Variants in NECAB1 observed in about 807,000 individuals in gnomAD.
NECAB1 encodes N-terminal EF-hand calcium binding protein 1.
A neutral mutation model predicts 57.5 loss-of-function variants in NECAB1; 29 were observed. That is an observed-to-expected ratio of 0.50 (90% CI 0.38 to 0.69). The LOEUF (loss-of-function observed/expected upper bound fraction) is 0.69, where lower values mean the gene tolerates loss of function less well. NECAB1 is among the 30% of genes least tolerant of loss of function. The pLI is 0.00. For synonymous variants in NECAB1, 142 were observed against 147.7 expected (o/e 0.96, Z 0.28); for missense variants, 372 against 413.8 (o/e 0.90, Z 0.88).
At chr8:90,838,057 A>G (rs1812398296) in intron 3 of NECAB1, among the ~76,000 whole-genome samples, 1 of 152,222 alleles carries the variant, frequency 6.6e-6, no homozygotes, top group Non-Finnish European at 1.5e-5. Context: ...GAGCATAGTC[A>G]GAGAAACATA....
chr8:90,803,185 C>T (rs1811790349), intron 2 of NECAB1, among the ~76,000 whole-genome samples: 1 of 152,204 alleles, frequency 6.6e-6, no homozygotes, highest in East Asian at 1.9e-4. Context: ...GCATGGGCCA[C>T]TGCACCCGGC....
chr8:90,954,796 TCA>T (rs1413795593), intron 12 of NECAB1, among the ~76,000 whole-genome samples: 1 of 149,286 alleles, frequency 6.7e-6, no homozygotes, highest in East Asian at 2.0e-4. Flanking sequence ...GTATAATAAA[TCA>T]CACATGTATT....
intron 5 of NECAB1, among the ~76,000 whole-genome samples, chr8:90,900,300 A>C (rs534814317): frequency 6.6e-6 from 1 of 152,314 alleles, no homozygotes; most frequent in East Asian, 1.9e-4. Context: ...TTGAGGCCAG[A>C]AAGTAACAAC....
chr8:90,794,620 G>A (rs1316767824), intron 1 of NECAB1, among the ~76,000 whole-genome samples: 1 of 152,196 alleles, frequency 6.6e-6, no homozygotes, highest in Non-Finnish European at 1.5e-5. Context: ...AAGAAAATCA[G>A]AGATAGATTT....
At chr8:90,863,203 A>C (rs1808441261) in intron 3 of NECAB1, among the ~76,000 whole-genome samples, 1 of 152,138 alleles carries the variant, frequency 6.6e-6, no homozygotes, top group Non-Finnish European at 1.5e-5. Flanking sequence ...CCTTTCTTAT[A>C]CTGTCTGCCT....
intron 5 of NECAB1, among the ~76,000 whole-genome samples, chr8:90,913,878 G>T (rs1809889300): frequency 6.6e-6 from 1 of 152,150 alleles, no homozygotes; most frequent in South Asian, 2.1e-4. Context: ...ACTAACAAAT[G>T]GTCCAGAAAA....
intron 3 of NECAB1, among the ~76,000 whole-genome samples, chr8:90,868,893 A>G (rs1808567377): frequency 6.6e-6 from 1 of 152,246 alleles, no homozygotes; most frequent in South Asian, 2.1e-4. Flanking sequence ...AGGGTATTTC[A>G]GAGACCTTTG....
intron 3 of NECAB1, among the ~76,000 whole-genome samples, chr8:90,870,912 A>T (rs900948061): frequency 6.6e-6 from 1 of 152,246 alleles, no homozygotes; most frequent in Non-Finnish European, 1.5e-5. Flanking sequence ...CTGGTGGCAA[A>T]TATTACTTTG....
chr8:90,886,566 G>A (rs1417858587), intron 5 of NECAB1, among the ~76,000 whole-genome samples: 1 of 151,472 alleles, frequency 6.6e-6, no homozygotes, highest in Non-Finnish European at 1.5e-5. Context: ...TGTTTTTTTG[G>A]TGGAGATAGG....
intron 10 of NECAB1, among the ~76,000 whole-genome samples, chr8:90,949,151 TGTGTGTG>T (rs1430318685): frequency 1.4e-4 from 6 of 42,320 alleles, no homozygotes; most frequent in African/African-American, 6.3e-4. Context: ...GCACTTTGTG[TGTGTGTG>T]TGTGTGTGTG....
At chr8:90,857,316 A>C (rs1479496260) in intron 3 of NECAB1, among the ~76,000 whole-genome samples, 2 of 152,180 alleles carry the variant, frequency 1.3e-5, no homozygotes, top group African/African-American at 2.4e-5. Flanking sequence ...ATATTATGAT[A>C]CTATATATAA....
intron 3 of NECAB1, among the ~76,000 whole-genome samples, chr8:90,834,957 T>A (rs1812345805): frequency 6.6e-6 from 1 of 151,832 alleles, no homozygotes; most frequent in African/African-American, 2.4e-5. Flanking sequence ...TACACATCTA[T>A]ATGTCTCATG....
intron 3 of NECAB1, among the ~76,000 whole-genome samples, chr8:90,833,177 T>C (rs1417328712): frequency 6.6e-6 from 1 of 152,110 alleles, no homozygotes; most frequent in Non-Finnish European, 1.5e-5. Flanking sequence ...CCTTTATACT[T>C]AGAAATCATC....
At chr8:90,799,995 T>C (rs1232015795) in intron 1 of NECAB1, among the ~76,000 whole-genome samples, 1 of 152,214 alleles carries the variant, frequency 6.6e-6, no homozygotes, top group Non-Finnish European at 1.5e-5. Context: ...CAGTGTTTTG[T>C]AGTTCTCCTT....
At chr8:90,890,384 T>C (rs1348950864) in intron 5 of NECAB1, among the ~76,000 whole-genome samples, 1 of 152,174 alleles carries the variant, frequency 6.6e-6, no homozygotes, top group African/African-American at 2.4e-5. Context: ...ATTGTAAGTT[T>C]CCTGAGGCCT....
Position 90,925,585 on chromosome 8 carries a change from G to C in NECAB1, c.545G>C (p.Arg182Pro), listed in dbSNP as rs1299554994. 1 of 1,613,426 alleles carries C rather than the reference G, an allele frequency of 6.2e-7. No individual in the cohort carries two copies. Among genetic ancestry groups the C allele is most frequent in the Non-Finnish European group, 8.5e-7 (1 of 1,179,712 alleles). The part of the protein sequence containing the change: ...EVLSIQWPGK[R>P]SSRRVQRHNS... ...CTGTCGATTCAATGGCCTGGAAAACGATCAAGCCGCCGAGTCCAGAGACAC... is the reference window on the plus strand; with the variant it reads ...CTGTCGATTCAATGGCCTGGAAAACCATCAAGCCGCCGAGTCCAGAGACAC... The change falls in exon 7 of 13, where the codon CGA (arginine) becomes CCA (proline). Residue 182 changes from arginine (R) to proline (P), a missense_variant. Physicochemically the swap from Arg to Pro is moderately radical, Grantham distance 103 (BLOSUM62 -2). Coordinates refer to ENST00000417640, the MANE Select transcript of NECAB1 (RefSeq NM_022351.5).
intron 5 of NECAB1, among the ~76,000 whole-genome samples, chr8:90,881,883 AG>A (rs556791622): frequency 1.4e-4 from 22 of 152,330 alleles, no homozygotes; most frequent in African/African-American, 5.3e-4. Context: ...TGAGAGATAA[AG>A]GAAGTTGGTA....
intron 9 of NECAB1, among the ~76,000 whole-genome samples, chr8:90,936,458 A>G (rs1297659788): frequency 1.3e-5 from 2 of 152,240 alleles, no homozygotes; most frequent in Admixed American, 1.3e-4. Flanking sequence ...CCTCAGACTC[A>G]TTTTATCAAT....
At chr8:90,935,312 G>A (rs762998864) in intron 9 of NECAB1, among the ~76,000 whole-genome samples, 1 of 152,136 alleles carries the variant, frequency 6.6e-6, no homozygotes, top group Non-Finnish European at 1.5e-5. Context: ...CTTTGTGGGA[G>A]TCTCAGAAAA....
Sources: allele counts gnomAD v4.1 joint callset (sites outside exome capture counted in the v4.1 genomes callset), GRCh38; gene constraint gnomAD v4.1.1; transcripts MANE v1.5; gene names NCBI Gene and HGNC (gene_info 2026-07-23, HGNC 2026-07-21).